AGO3: variants seen among roughly 807,000 people sequenced by gnomAD.
AGO3 encodes the protein argonaute RISC catalytic component 3, also known as protein argonaute-3.
In AGO3, 16 loss-of-function variants were observed where a neutral mutation model predicts 105.5. The ratio of observed to expected loss-of-function variants is 0.15; its 90% CI spans 0.10 to 0.23. The LOEUF (loss-of-function observed/expected upper bound fraction) is 0.23, where lower values mean the gene tolerates loss of function less well. AGO3 is among the 10% of genes least tolerant of loss of function. AGO3 has a pLI of 1.00. For missense variants in AGO3, 534 were observed against 1,088.0 expected (o/e 0.49, Z 7.16); for synonymous variants, 340 against 367.3 (o/e 0.93, Z 0.85).
intron 5 of AGO3, among the ~76,000 whole-genome samples, chr1:35,996,648 A>G (rs1472708408): frequency 1.3e-5 from 2 of 151,788 alleles, no homozygotes; most frequent in Non-Finnish European, 2.9e-5. Flanking sequence ...GTGGTCACCT[A>G]TAGTCCCAGC....
At chr1:35,939,101 G>C (rs1367909539) in intron 1 of AGO3, among the ~76,000 whole-genome samples, 1 of 152,150 alleles carries the variant, frequency 6.6e-6, no homozygotes, top group Admixed American at 6.5e-5. Flanking sequence ...TCCAACTCTA[G>C]TGGGCAGTAT....
chr1:35,930,981 C>G (rs985041824), upstream of AGO3: 3 of 335,358 alleles, frequency 8.9e-6, no homozygotes, highest in Admixed American at 9.7e-5. Context: ...CCGGCGTCCT[C>G]CGCGCCGGCC....
At chr1:36,026,909 G>A (rs1049823943) in intron 11 of AGO3, among the ~76,000 whole-genome samples, 8 of 152,188 alleles carry the variant, frequency 5.3e-5, no homozygotes, top group African/African-American at 1.2e-4. Flanking sequence ...ACAGAATGCC[G>A]TATAACTGTA....
At chr1:35,955,860 G>T (rs1259823421) in intron 2 of AGO3, among the ~76,000 whole-genome samples, 2 of 152,080 alleles carry the variant, frequency 1.3e-5, no homozygotes, top group Non-Finnish European at 2.9e-5. Context: ...TTCCCAAAGT[G>T]TTGGAATTAC....
At chr1:35,933,623 G>A (rs895210010) in intron 1 of AGO3, among the ~76,000 whole-genome samples, 15 of 124,510 alleles carry the variant, frequency 1.2e-4, no homozygotes, top group Admixed American at 2.1e-4. Context: ...CCTGGGTGAC[G>A]GAGCAAGACC....
chr1:35,993,216 T>G (rs1306876826), intron 5 of AGO3, among the ~76,000 whole-genome samples: 2 of 152,162 alleles, frequency 1.3e-5, no homozygotes, highest in African/African-American at 4.8e-5. Flanking sequence ...CCACAGTTTC[T>G]GACTTAAGCT....
In AGO3 at chr1:36,062,184, A is replaced by G. The variant is rs1409229300; in HGVS notation, c.*6439A>G. 5.0e-5 allele frequency: 7 copies of G among 139,194 alleles called. No homozygotes were observed. The East Asian group carries it at 1.4e-3, about 28-fold the overall frequency. The allele number at this position is 139,194 out of a possible 1,614,324, so 8.6% of individuals were successfully genotyped here. On this transcript the variant is annotated 3_prime_UTR_variant, in exon 19 of 19. Transcript: ENST00000373191. ...CTTTTTTTTTTTTTTTTTTTTTGAG[A>G]CAAAGTCTTGCTCTGTCACCTAGGC...
chr1:35,998,926 T>G (rs1334996041), intron 5 of AGO3, among the ~76,000 whole-genome samples: 2 of 152,242 alleles, frequency 1.3e-5, no homozygotes, highest in East Asian at 3.8e-4. Flanking sequence ...TATTTAGTTC[T>G]CTGAATAGGA....
Position 36,027,862 on chromosome 1 carries a change from A to C in AGO3, c.1591+564A>C, listed in dbSNP as rs1046154487. Among the ~76,000 whole-genome samples the C allele has an allele frequency of 1.3e-5, 2 of 152,202 alleles. No individual in the cohort carries two copies. The highest frequency in any genetic ancestry group is 4.8e-5 in the African/African-American group (2 of 41,442). On this transcript the variant is annotated intron_variant, in intron 12 of 18. Coordinates refer to ENST00000373191, the MANE Select transcript of AGO3 (RefSeq NM_024852.4). The surrounding 1 kb of genome is among the most constrained non-coding windows in gnomAD (Gnocchi z 4.0). ...GAAAGAATTATTGAATAAAAATGGC[A>C]TTGAGATAATTTGAGTATCAGTATA... is the stretch of plus-strand genomic sequence containing the variant.
intron 1 of AGO3, among the ~76,000 whole-genome samples, chr1:35,940,215 C>G (rs574001540): frequency 1.3e-5 from 2 of 152,008 alleles, no homozygotes; most frequent in African/African-American, 2.4e-5. Context: ...TACAGGCATG[C>G]GCCATGACGC....
chr1:36,014,486 T>TC (rs1228836914), intron 11 of AGO3, among the ~76,000 whole-genome samples: 2 of 151,276 alleles, frequency 1.3e-5, no homozygotes, highest in African/African-American at 4.8e-5. Context: ...AAATGTTTCT[T>TC]CTTGACCAGG....
chr1:35,932,934 C>T (rs1005227832), intron 1 of AGO3, among the ~76,000 whole-genome samples: 14 of 151,976 alleles, frequency 9.2e-5, no homozygotes, highest in Non-Finnish European at 1.5e-4. Context: ...TTCTTTTTCT[C>T]CTTAGGGTTT....
At chr1:36,039,435 A>G (rs973173898) in intron 14 of AGO3, among the ~76,000 whole-genome samples, 2 of 144,892 alleles carry the variant, frequency 1.4e-5, no homozygotes, top group Non-Finnish European at 3.0e-5. Flanking sequence ...TGCAGGTTGC[A>G]GTGAGCCGAG....
In AGO3 at chr1:36,065,673, A is replaced by T. The variant is rs1178016277; in HGVS notation, c.*9928A>T. On this transcript the variant is annotated 3_prime_UTR_variant, in exon 19 of 19. Coordinates refer to ENST00000373191, the MANE Select transcript of AGO3 (RefSeq NM_024852.4). ...GTTTTCTTTTTCCTTCTGAAAGTTC[A>T]TAGAAACCTGGCATATAGAGCTTAT... is the stretch of plus-strand genomic sequence containing the variant. The T allele has an allele frequency of 6.6e-6, 1 of 152,324 alleles. No individual in the cohort carries two copies. The highest frequency in any genetic ancestry group is 2.4e-5 in the African/African-American group (1 of 41,456). 9.4% of individuals were successfully genotyped at this position (152,324 alleles called of 1,614,324 possible). A position where few individuals can be genotyped will look rare whatever the true frequency, so the allele number is the denominator to read the frequency against.
At chr1:36,029,642 C>T (rs1463620805) in intron 12 of AGO3, among the ~76,000 whole-genome samples, 5 of 151,036 alleles carry the variant, frequency 3.3e-5, no homozygotes, top group Non-Finnish European at 5.9e-5. Flanking sequence ...GTGATCCTCC[C>T]GCCTCAGCCT....
intron 12 of AGO3, among the ~76,000 whole-genome samples, chr1:36,031,705 G>A (rs1641784073): frequency 6.6e-6 from 1 of 151,800 alleles, no homozygotes; most frequent in Admixed American, 6.6e-5. Flanking sequence ...TAAACCTCAC[G>A]TAACCCCTGG....
intron 5 of AGO3, among the ~76,000 whole-genome samples, chr1:35,980,154 C>T (rs1344075121): frequency 6.6e-6 from 1 of 152,148 alleles, no homozygotes; most frequent in East Asian, 1.9e-4. Context: ...TTTTGTTTCC[C>T]TTAATTGAGT....
chr1:35,932,245 G>A (rs1189527155), intron 1 of AGO3, among the ~76,000 whole-genome samples: 1 of 152,052 alleles, frequency 6.6e-6, no homozygotes, highest in Non-Finnish European at 1.5e-5. Flanking sequence ...ATTAATTCAG[G>A]GACAGAAAGG....
At chr1:36,042,357 T>TTA (rs1642284635) in intron 16 of AGO3, among the ~76,000 whole-genome samples, 2 of 152,222 alleles carry the variant, frequency 1.3e-5, no homozygotes, top group African/African-American at 2.4e-5. Flanking sequence ...AGTGCTAGGA[T>TTA]TATAGGTGTG....
Sources: gnomAD v4.1 joint callset for allele counts (sites outside exome capture counted in the v4.1 genomes callset) on GRCh38, gnomAD v4.1.1 for gene constraint, Gnocchi (gnomAD v3.1) non-coding constraint, MANE v1.5 for transcripts, NCBI Gene and HGNC (gene_info 2026-07-23, HGNC 2026-07-21) for gene names.